DPP6: variants seen among roughly 807,000 people sequenced by gnomAD.
DPP6 encodes dipeptidyl peptidase like 6, also known as A-type potassium channel modulatory protein DPP6.
Under a neutral mutation model 122.6 loss-of-function variants are expected in DPP6, and 69 were observed. That is an observed-to-expected ratio of 0.56 (90% confidence interval 0.46 to 0.69). The LOEUF (loss-of-function observed/expected upper bound fraction) is 0.69. Ranked by LOEUF, DPP6 falls within the 30% of genes least tolerant of loss-of-function variation. The pLI is 0.00. For missense variants in DPP6, 928 were observed against 1,116.9 expected (o/e 0.83, Z 2.41); for synonymous variants, 418 against 433.1 (o/e 0.97, Z 0.43).
intron 1 of DPP6, among the ~76,000 whole-genome samples, chr7:153,952,937 A>G (rs1001199493): frequency 6.6e-6 from 1 of 152,242 alleles, no homozygotes; most frequent in African/African-American, 2.4e-5. Context: ...ATAGTCAAGC[A>G]TATCTTAATC....
At chr7:154,156,434 C>G (rs1227303592) in intron 1 of DPP6, among the ~76,000 whole-genome samples, 1 of 152,218 alleles carries the variant, frequency 6.6e-6, no homozygotes, top group African/African-American at 2.4e-5. Flanking sequence ...CTCTTTTAGA[C>G]TGTTGCCAGC....
chr7:154,086,844 C>G (rs1017645903), intron 1 of DPP6, among the ~76,000 whole-genome samples: 1 of 152,118 alleles, frequency 6.6e-6, no homozygotes, highest in African/African-American at 2.4e-5. Context: ...GTCTCGAACT[C>G]CTGACCTCAT....
At chr7:154,028,939 C>T (rs561258352) in intron 1 of DPP6, among the ~76,000 whole-genome samples, 37 of 151,624 alleles carry the variant, frequency 2.4e-4, no homozygotes, top group African/African-American at 7.5e-4. Flanking sequence ...TTTTCTTCCT[C>T]TTCCAAGCTC....
At chr7:154,757,506 T>C (rs1795204833) in intron 8 of DPP6, among the ~76,000 whole-genome samples, 1 of 152,230 alleles carries the variant, frequency 6.6e-6, no homozygotes, top group African/African-American at 2.4e-5. Flanking sequence ...TGAATGATTT[T>C]TACACAAGTC....
the DPP6 span, among the ~76,000 whole-genome samples, chr7:153,753,207 C>A: frequency 6.6e-6 from 1 of 150,684 alleles, no homozygotes; most frequent in South Asian, 2.1e-4. Context: ...GCCATGGGTT[C>A]TTTTATATTT....
intron 8 of DPP6, among the ~76,000 whole-genome samples, chr7:154,731,195 TA>T (rs1452296105): frequency 6.6e-6 from 1 of 151,614 alleles, no homozygotes; most frequent in African/African-American, 2.4e-5. Flanking sequence ...TTAAAAAAGT[TA>T]GGGGGTGGGG....
intron 1 of DPP6, among the ~76,000 whole-genome samples, chr7:154,347,118 C>T (rs1167944044): frequency 1.3e-5 from 2 of 152,168 alleles, no homozygotes; most frequent in African/African-American, 2.4e-5. Flanking sequence ...TGGCCAAACT[C>T]AGCGATTGTG....
At chr7:154,361,551 C>T (rs1268706986) in intron 1 of DPP6, among the ~76,000 whole-genome samples, 1 of 57,250 alleles carries the variant, frequency 1.7e-5, no homozygotes. Context: ...TTAGAAAAAG[C>T]AAAAGTTTTG....
intron 4 of DPP6, among the ~76,000 whole-genome samples, chr7:154,552,102 C>G (rs1829683409): frequency 6.6e-6 from 1 of 152,166 alleles, no homozygotes; most frequent in South Asian, 2.1e-4. Context: ...GGTGGATCCA[C>G]TTATCTAAGC....
At chr7:154,050,596 G>A (rs1412900069), upstream of DPP6, among the ~76,000 whole-genome samples, 2 of 150,930 alleles carry the variant, frequency 1.3e-5, no homozygotes, top group East Asian at 3.9e-4. Context: ...AGAGGAGGGG[G>A]TTGAGAGCAA....
chr7:154,058,474 GT>G (rs1175713906), intron 1 of DPP6: 17 of 124,126 alleles, frequency 1.4e-4, no homozygotes, highest in Non-Finnish European at 2.4e-4. Context: ...TACCCCCATC[GT>G]AGGGGGGGGG....
chr7:153,925,151 G>A (rs1292236894), intron 1 of DPP6, among the ~76,000 whole-genome samples: 1 of 152,172 alleles, frequency 6.6e-6, no homozygotes, highest in Non-Finnish European at 1.5e-5. Context: ...GATTCCCTAA[G>A]AAGGCTGGTC....
the DPP6 span, among the ~76,000 whole-genome samples, chr7:153,862,919 C>G: frequency 6.6e-6 from 1 of 151,686 alleles, no homozygotes; most frequent in Non-Finnish European, 1.5e-5. Flanking sequence ...CAAATCAATA[C>G]GTGAGAAAAG....
At chr7:154,378,421 G>A (rs1373285607) in intron 1 of DPP6, among the ~76,000 whole-genome samples, 2 of 152,210 alleles carry the variant, frequency 1.3e-5, no homozygotes, top group Non-Finnish European at 2.9e-5. Context: ...TATGACAAAT[G>A]ACCATAGACT....
chr7:154,041,395 G>A (rs915133791), intron 1 of DPP6, among the ~76,000 whole-genome samples: 4 of 152,206 alleles, frequency 2.6e-5, no homozygotes, highest in African/African-American at 9.7e-5. Context: ...TAAAGGTTAG[G>A]TACATAAAAG....
At chr7:154,028,657 T>TCCCCTCTC (rs891256503) in intron 1 of DPP6, among the ~76,000 whole-genome samples, 7 of 152,066 alleles carry the variant, frequency 4.6e-5, no homozygotes, top group African/African-American at 1.7e-4. Context: ...GTTCCTCCTT[T>TCCCCTCTC]CCCCTCTCCT....
At chr7:153,898,682 G>A (rs1799512938) in intron 1 of DPP6, among the ~76,000 whole-genome samples, 1 of 152,186 alleles carries the variant, frequency 6.6e-6, no homozygotes, top group Non-Finnish European at 1.5e-5. Flanking sequence ...CTGGACATGG[G>A]AGGAAAATGG....
intron 7 of DPP6, among the ~76,000 whole-genome samples, chr7:154,706,824 G>C (rs1022502319): frequency 3.3e-5 from 5 of 152,340 alleles, no homozygotes; most frequent in Middle Eastern, 3.4e-3. Context: ...GATCCCAAGA[G>C]ATTTCTCTGG....
chr7:154,113,862 G>A (rs888082747), intron 1 of DPP6, among the ~76,000 whole-genome samples: 13 of 152,128 alleles, frequency 8.5e-5, no homozygotes, highest in African/African-American at 3.1e-4. Context: ...TGTATTATTG[G>A]CACTAACTAT....
Sources: allele counts gnomAD v4.1 joint callset (sites outside exome capture counted in the v4.1 genomes callset), GRCh38; gene constraint gnomAD v4.1.1; transcripts MANE v1.5; gene names NCBI Gene and HGNC (gene_info 2026-07-23, HGNC 2026-07-21).